The following ERC1 variants were observed in gnomAD, a reference collection of about 807,000 sequenced individuals.
ERC1 encodes RAB6 interacting protein 2.
ERC1 carries 56 observed loss-of-function variants against 132.0 expected under a neutral mutation model. That is an observed-to-expected ratio of 0.42 (90% CI 0.34 to 0.53). ERC1 has a LOEUF of 0.53. Among genes scored for constraint, ERC1 ranks in the 20% least tolerant of loss-of-function variants. The pLI, the probability that ERC1 is intolerant of heterozygous loss-of-function variation, is 0.03. For synonymous variants in ERC1, 478 were observed against 476.1 expected (o/e 1.00, Z -0.05); for missense variants, 1,202 against 1,349.9 (o/e 0.89, Z 1.72).
At chr12:1,203,664 C>G (rs138326865) in intron 12 of ERC1, among the ~76,000 whole-genome samples, 1 of 152,270 alleles carries the variant, frequency 6.6e-6, no homozygotes, top group East Asian at 1.9e-4. Context: ...TGATACTGGT[C>G]GTTAGAAGCC....
intron 4 of ERC1, among the ~76,000 whole-genome samples, chr12:1,108,366 T>C (rs1221324337): frequency 1.3e-5 from 2 of 152,204 alleles, no homozygotes; most frequent in Admixed American, 6.5e-5. Flanking sequence ...TGCCATGTGA[T>C]GTACAGAGTT....
intron 12 of ERC1, among the ~76,000 whole-genome samples, chr12:1,206,520 A>AT (rs911371321): frequency 6.6e-6 from 1 of 151,934 alleles, no homozygotes; most frequent in Non-Finnish European, 1.5e-5. Flanking sequence ...CTTCCTTTGC[A>AT]TTCAGTACAG....
chr12:1,123,619 A>T (rs941188958), intron 7 of ERC1, among the ~76,000 whole-genome samples: 2 of 152,248 alleles, frequency 1.3e-5, no homozygotes, highest in Admixed American at 6.5e-5. Context: ...CACACAGAGC[A>T]ATGTTATATG....
At chr12:1,258,698 C>T (rs141247163) in intron 13 of ERC1, among the ~76,000 whole-genome samples, 105 of 152,150 alleles carry the variant, frequency 6.9e-4, no homozygotes, top group African/African-American at 2.3e-3. Context: ...TAATATTGTC[C>T]CTTTTAAAAA....
chr12:1,082,313 A>G (rs1316271220), intron 2 of ERC1, among the ~76,000 whole-genome samples: 1 of 151,138 alleles, frequency 6.6e-6, no homozygotes, highest in Non-Finnish European at 1.5e-5. Flanking sequence ...GGCGTGAACC[A>G]CCGTGCCTGG....
At chr12:1,488,158 A>G (rs1407275255) in intron 18 of ERC1, among the ~76,000 whole-genome samples, 1 of 142,802 alleles carries the variant, frequency 7.0e-6, no homozygotes, top group Admixed American at 6.7e-5. Context: ...AAAAAAAAAA[A>G]AAAAGATAGA....
In ERC1 at chr12:1,364,551, A is replaced by G. The variant is rs932834219; in HGVS notation, c.2781-7282A>G. Reference sequence around the variant, plus strand: ...TCTGCCATTTCCTGTCCCTGTAGACACTCTCTAATCCAGTTCTACGATGTG... The same window carrying G: ...TCTGCCATTTCCTGTCCCTGTAGACGCTCTCTAATCCAGTTCTACGATGTG... On this transcript the variant is annotated intron_variant, in intron 15 of 18. Coordinates refer to ENST00000360905, the MANE Select transcript of ERC1 (RefSeq NM_178040.4). Among the ~76,000 whole-genome samples, 8 of 151,892 alleles carry G rather than the reference A, an allele frequency of 5.3e-5. No individual in the cohort carries two copies. The South Asian group carries it at 1.2e-3, about 24-fold the overall frequency.
chr12:1,228,246 C>G (rs2074746726), intron 12 of ERC1, among the ~76,000 whole-genome samples: 1 of 152,130 alleles, frequency 6.6e-6, no homozygotes, highest in African/African-American at 2.4e-5. Flanking sequence ...GACATTTTAA[C>G]AACATTAATT....
At chr12:1,453,348 C>A (rs1373885345) in intron 18 of ERC1, among the ~76,000 whole-genome samples, 2 of 152,190 alleles carry the variant, frequency 1.3e-5, no homozygotes, top group Admixed American at 1.3e-4. Flanking sequence ...AATGTCAGCA[C>A]AAGAGGTAGG....
intron 8 of ERC1, among the ~76,000 whole-genome samples, chr12:1,178,487 TGATA>T (rs374077043): frequency 1.2e-3 from 178 of 152,242 alleles, no homozygotes; most frequent in Middle Eastern, 3.4e-3. Context: ...CTATAATGAT[TGATA>T]GATAGAGGAA....
chr12:1,356,265 G>A (rs1021664881), intron 15 of ERC1, among the ~76,000 whole-genome samples: 34 of 144,724 alleles, frequency 2.3e-4, no homozygotes, highest in African/African-American at 4.6e-4. Flanking sequence ...TTTATATTCC[G>A]TTGAGGAAGA....
At chr12:991,377 TC>T (rs1376700489) in intron 1 of ERC1, 55 bp downstream of exon 1, 2 of 155,688 alleles carry the variant, frequency 1.3e-5, no homozygotes, top group Non-Finnish European at 2.8e-5. Context: ...ACCCAGAGCT[TC>T]CCCCCTGTCG....
At chr12:1,186,747 G>A (rs1184151255) in intron 11 of ERC1, among the ~76,000 whole-genome samples, 1 of 152,178 alleles carries the variant, frequency 6.6e-6, no homozygotes, top group Non-Finnish European at 1.5e-5. Flanking sequence ...CTTTCATATT[G>A]ATACCATGAT....
chr12:1,248,463 A>T (rs939988607), intron 13 of ERC1, among the ~76,000 whole-genome samples: 46 of 152,208 alleles, frequency 3.0e-4, no homozygotes, highest in African/African-American at 9.9e-4. Context: ...CTCCCAAAGG[A>T]TATTGAGATC....
At chr12:1,146,438 A>G (rs955486602) in intron 8 of ERC1, among the ~76,000 whole-genome samples, 1 of 148,190 alleles carries the variant, frequency 6.7e-6, no homozygotes, top group Non-Finnish European at 1.5e-5. Flanking sequence ...TGTATCCTGA[A>G]ACTTTACTGA....
intron 12 of ERC1, among the ~76,000 whole-genome samples, chr12:1,227,764 C>T (rs984501174): frequency 6.6e-6 from 1 of 152,128 alleles, no homozygotes; most frequent in Non-Finnish European, 1.5e-5. Context: ...CCAGTGTTTT[C>T]TTCTACTAGT....
intron 12 of ERC1, among the ~76,000 whole-genome samples, chr12:1,228,736 C>G (rs2074794973): frequency 6.6e-6 from 1 of 152,130 alleles, no homozygotes; most frequent in Non-Finnish European, 1.5e-5. Flanking sequence ...GAGTCTTTAT[C>G]ATGAAAGGAT....
chr12:1,228,428 A>G (rs1302008007), intron 12 of ERC1, among the ~76,000 whole-genome samples: 2 of 81,406 alleles, frequency 2.5e-5, no homozygotes, highest in Admixed American at 2.1e-4. Context: ...ATAGTTTTTA[A>G]CAATTTTTTT....
At chr12:1,136,527 A>T (rs1949264451) in intron 7 of ERC1, among the ~76,000 whole-genome samples, 1 of 152,218 alleles carries the variant, frequency 6.6e-6, no homozygotes, top group Non-Finnish European at 1.5e-5. Flanking sequence ...GAAATATCTT[A>T]GTTATCTTTG....
Sources: gnomAD v4.1 joint callset for allele counts (sites outside exome capture counted in the v4.1 genomes callset) on GRCh38, gnomAD v4.1.1 for gene constraint, MANE v1.5 for transcripts, NCBI Gene and HGNC (gene_info 2026-07-23, HGNC 2026-07-21) for gene names.